MLYCD: variants seen among roughly 807,000 people sequenced by gnomAD.
The protein encoded by MLYCD is malonyl-CoA decarboxylase, mitochondrial.
MLYCD carries 27 observed loss-of-function variants against 35.8 expected under a neutral mutation model. The ratio of observed to expected loss-of-function variants is 0.75; its 90% CI spans 0.56 to 1.04. The LOEUF (loss-of-function observed/expected upper bound fraction) is 1.04, where lower values mean the gene tolerates loss of function less well. Ranked by LOEUF, MLYCD falls within the 50% of genes least tolerant of loss-of-function variation. MLYCD has a pLI of 0.00. For synonymous variants in MLYCD, 403 were observed against 302.4 expected (o/e 1.33, Z -3.45); for missense variants, 917 against 665.1 (o/e 1.38, Z -4.17).
rs575487507 is a variant in MLYCD, at chr16:83,919,378, ACAC to A, written c.*3890_*3892del. The A allele has an allele frequency of 8.6e-3, 1,291 of 150,654 alleles. 5 individuals carry two copies. The highest frequency in any genetic ancestry group is 0.015 in the South Asian group (71 of 4,770). The allele number at this position is 150,654 out of a possible 1,614,324, so 9.3% of individuals were successfully genotyped here. ...GAGAACACACACAGTGCACAGGAGA[ACAC>A]AGTGCACAGGAGAACACACACTGCA... On this transcript the variant is annotated 3_prime_UTR_variant, in exon 5 of 5. Coordinates refer to ENST00000262430, the MANE Select transcript of MLYCD (RefSeq NM_012213.3).
intron 1 of MLYCD, among the ~76,000 whole-genome samples, chr16:83,902,839 G>C (rs185145113): frequency 1.3e-5 from 2 of 152,234 alleles, no homozygotes; most frequent in East Asian, 3.9e-4. Flanking sequence ...CTTTTCCTCT[G>C]ATCTGAGTGA....
At position 83,905,702 on chromosome 16, in the gene MLYCD, A is replaced by G. The variant is rs369528540; in HGVS notation, c.529-1285A>G. On this transcript the variant is annotated intron_variant, in intron 1 of 4. Transcript: ENST00000262430. ...AAGTTCCCCAAAGTGGCTGCAGGAG[A>G]CCTCTGCTTACCCCTCATTGACCAG... is the stretch of plus-strand genomic sequence containing the variant. Among the ~76,000 whole-genome samples the G allele has an allele frequency of 5.9e-5, 9 of 151,874 alleles. No individual in the cohort carries two copies. The East Asian group carries it at 1.2e-3, about 20-fold the overall frequency.
At chr16:83,908,323 T>C (rs1260884711) in intron 3 of MLYCD, 41 bp downstream of exon 3, 1 of 1,607,298 alleles carries the variant, frequency 6.2e-7, no homozygotes, top group South Asian at 1.1e-5. Context: ...GGGCACCCCA[T>C]AGAGCCCCTT....
rs1567637827 is a variant in MLYCD, at chr16:83,916,488, C to CT, written c.*1000dup. Reference sequence around the variant, plus strand: ...TCTGTGTGCGTGTGCACGAGCGTCTCTGTGTGTATCAGTGCATGTCTGTGT... The same window carrying CT: ...TCTGTGTGCGTGTGCACGAGCGTCTCTTGTGTGTATCAGTGCATGTCTGTGT... On this transcript the variant is annotated 3_prime_UTR_variant, in exon 5 of 5. Transcript: ENST00000262430. 1 of 142,938 alleles carries CT rather than the reference C, an allele frequency of 7.0e-6. No individual in the cohort carries two copies. The highest frequency in any genetic ancestry group is 1.5e-5 in the Non-Finnish European group (1 of 67,028). The allele number at this position is 142,938 out of a possible 1,614,324, so 8.9% of individuals were successfully genotyped here.
chr16:83,917,174 C>G lies in MLYCD; in HGVS notation c.*1685C>G, dbSNP rs901198288. ...GCACGCCTGTGTGCGTGTGCACGAGCGTCTCTGTGTGTGTCAGTGCACGTC... is the reference window on the plus strand; with the variant it reads ...GCACGCCTGTGTGCGTGTGCACGAGGGTCTCTGTGTGTGTCAGTGCACGTC... On this transcript the variant is annotated 3_prime_UTR_variant, in exon 5 of 5. Coordinates refer to ENST00000262430, the MANE Select transcript of MLYCD (RefSeq NM_012213.3). The G allele has an allele frequency of 7.5e-6, 1 of 133,902 alleles. No individual in the cohort carries two copies. The allele number at this position is 133,902 out of a possible 1,614,324, so 8.3% of individuals were successfully genotyped here.
rs3743625 is a variant in MLYCD, at chr16:83,923,238, G to T, written c.*7749G>T. 32,108 of 152,242 alleles carry T rather than the reference G, an allele frequency of 0.21. 4,077 individuals carry two copies. The highest frequency in any genetic ancestry group is 0.36 in the African/African-American group (14,836 of 41,520). 9.4% of individuals were successfully genotyped at this position (152,242 alleles called of 1,614,324 possible). A position where few individuals can be genotyped will look rare whatever the true frequency, so the allele number is the denominator to read the frequency against. On this transcript the variant is annotated 3_prime_UTR_variant, in exon 5 of 5. Transcript: ENST00000262430. The stretch of plus-strand genomic sequence containing the variant: ...GAATCTCAGTGCTCTGTGCAGGCAT[G>T]TGCTTATTCTGAGCTCTGTTTGAAA...
chr16:83,909,620 GTTTTTT>G (rs1281867257), intron 3 of MLYCD, among the ~76,000 whole-genome samples: 2 of 130,810 alleles, frequency 1.5e-5, no homozygotes, highest in African/African-American at 5.6e-5. Context: ...GTGGTGTTGT[GTTTTTT>G]TTTTTTTTTT....
intron 1 of MLYCD, among the ~76,000 whole-genome samples, chr16:83,899,937 C>T (rs963767950): frequency 5.3e-5 from 8 of 152,228 alleles, no homozygotes; most frequent in Admixed American, 6.5e-5. Context: ...ACTTGGTGGT[C>T]TTTAAGGTAG....
intron 1 of MLYCD, among the ~76,000 whole-genome samples, chr16:83,903,259 G>A (rs1035314277): frequency 1.3e-5 from 2 of 152,144 alleles, no homozygotes; most frequent in African/African-American, 2.4e-5. Context: ...ACAGCCACCC[G>A]GCCATGCTAG....
intron 1 of MLYCD, among the ~76,000 whole-genome samples, chr16:83,904,342 A>T (rs2151055592): frequency 6.6e-6 from 1 of 152,210 alleles, no homozygotes; most frequent in South Asian, 2.1e-4. Context: ...CGTATGCACA[A>T]TTTTACTAAT....
Position 83,915,309 on chromosome 16 carries a change from C to G in MLYCD, c.1302C>G (p.Asn434Lys), listed in dbSNP as rs1381165121. ...ACGGGGCGGTGCTGTGGCGCATCAA[C>G]TGGATGGCGGATGTGAGCCTCAGAG... Reference protein sequence around the residue: ...LQNGAVLWRINWMADVSLRGI... With the variant: ...LQNGAVLWRIKWMADVSLRGI... Residue 434 changes from asparagine to lysine, a missense_variant, in exon 5 of 5, where the codon AAC (asparagine) becomes AAG (lysine). Coordinates refer to ENST00000262430, the MANE Select transcript of MLYCD (RefSeq NM_012213.3). 1.2e-6 allele frequency: 2 copies of G among 1,613,842 alleles called. No individual in the cohort carries two copies. The highest frequency in any genetic ancestry group is 2.2e-5 in the East Asian group (1 of 44,864).
chr16:83,915,239 A>T lies in MLYCD; in HGVS notation c.1232A>T (p.His411Leu). ...GCCTGGTACCTGTATGGAGAGAAGC[A>T]CCGCGGCTACGCGCTGAACCCCGTG... Reference protein sequence around the residue: ...LCAWYLYGEKHRGYALNPVAN... With the variant: ...LCAWYLYGEKLRGYALNPVAN... The change falls in exon 5 of 5, where the codon CAC (histidine) becomes CTC (leucine). Residue 411 changes from histidine to leucine, a missense_variant. Coordinates refer to ENST00000262430, the MANE Select transcript of MLYCD (RefSeq NM_012213.3). 6.2e-7 allele frequency: 1 copy of T among 1,613,264 alleles called. No homozygotes were observed. Among genetic ancestry groups the T allele is most frequent in the African/African-American group, 1.3e-5 (1 of 75,042 alleles).
chr16:83,912,456 C>A, intron 4 of MLYCD, 89 bp downstream of exon 4: 1 of 1,557,474 alleles, frequency 6.4e-7, no homozygotes, highest in Non-Finnish European at 8.8e-7. Context: ...CCATGAGGGA[C>A]ACAGATGAAG....
chr16:83,923,485 A>G lies in MLYCD; in HGVS notation c.*7996A>G, dbSNP rs541700489. On this transcript the variant is annotated 3_prime_UTR_variant, in exon 5 of 5. Coordinates refer to ENST00000262430, the MANE Select transcript of MLYCD (RefSeq NM_012213.3). Reference sequence around the variant, plus strand: ...TCGCCTTTGTTTGGTTTATTTCCACATTGCATTTGCGTTTCCCGCCTGGCT... The same window carrying G: ...TCGCCTTTGTTTGGTTTATTTCCACGTTGCATTTGCGTTTCCCGCCTGGCT... 3 of 152,304 alleles carry G rather than the reference A, an allele frequency of 2.0e-5. No individual in the cohort carries two copies. Among genetic ancestry groups the G allele is most frequent in the East Asian group, 3.9e-4 (2 of 5,172 alleles). 9.4% of individuals were successfully genotyped at this position (152,304 alleles called of 1,614,324 possible). A position where few individuals can be genotyped will look rare whatever the true frequency, so the allele number is the denominator to read the frequency against.
rs148197728 is a variant in MLYCD, at chr16:83,905,098, A to G, written c.529-1889A>G. The stretch of plus-strand genomic sequence containing the variant: ...ACCCTTTAACAGGGATTAAAATGTA[A>G]AATTGTTTTATAAAATTTGGAAGCT... On this transcript the variant is annotated intron_variant, in intron 1 of 4. Transcript: ENST00000262430. Among the ~76,000 whole-genome samples the G allele has an allele frequency of 1.9e-3, 290 of 152,220 alleles. 4 individuals carry two copies. The highest frequency in any genetic ancestry group is 6.5e-3 in the African/African-American group (270 of 41,548).
chr16:83,910,545 C>G (rs762578084), intron 3 of MLYCD, among the ~76,000 whole-genome samples: 12 of 151,988 alleles, frequency 7.9e-5, no homozygotes, highest in Non-Finnish European at 1.3e-4. Context: ...CAAAAATTAG[C>G]CGGGTGTGGT....
Position 83,915,096 on chromosome 16 carries a change from C to T in MLYCD, c.1089C>T (p.Ile363=), listed in dbSNP as rs372909321. 2 of 1,614,140 alleles carry T rather than the reference C, an allele frequency of 1.2e-6. No homozygotes were observed. Among genetic ancestry groups the T allele is most frequent in the African/African-American group, 1.3e-5 (1 of 74,950 alleles). Residue 363 remains isoleucine, a synonymous_variant, in exon 5 of 5, where the codon ATC becomes ATT. Transcript: ENST00000262430. Reference sequence around the variant, plus strand: ...TTACAGATTCGGAATGTAAGGAAATCTCGGAGATCACAGGTGGCCCCATTA... The same window carrying T: ...TTACAGATTCGGAATGTAAGGAAATTTCGGAGATCACAGGTGGCCCCATTA... ...ELFTDSECKE[I]SEITGGPINE...
intron 1 of MLYCD, among the ~76,000 whole-genome samples, chr16:83,900,456 C>T (rs529563582): frequency 6.6e-6 from 1 of 151,760 alleles, no homozygotes; most frequent in Non-Finnish European, 1.5e-5. Context: ...TTTTTGTTGC[C>T]CAGACTGGAG....
Position 83,915,377 on chromosome 16 carries a change from TC to T in MLYCD, c.1372del (p.Leu458TrpfsTer26). ...GGCCTGATGGCCAACTACCGCTACT[TC>T]CTGGAGGAGACGGGCCCCAACAGCA... ...SCGLMANYRYFLEETGPNSTS... is the reference protein window; with the variant it reads ...SCGLMANYRYXLEETGPNSTS... On this transcript the variant is annotated frameshift_variant, in exon 5 of 5. Transcript: ENST00000262430. LOFTEE classifies it high-confidence loss of function. 6.2e-7 allele frequency: 1 copy of T among 1,613,856 alleles called. No homozygotes were observed. Among genetic ancestry groups the T allele is most frequent in the Non-Finnish European group, 8.5e-7 (1 of 1,180,044 alleles).
Sources: gnomAD v4.1 joint callset for allele counts (sites outside exome capture counted in the v4.1 genomes callset) on GRCh38, gnomAD v4.1.1 for gene constraint, MANE v1.5 for transcripts, NCBI Gene and HGNC (gene_info 2026-07-23, HGNC 2026-07-21) for gene names.